The following CNNM4 variants were observed in gnomAD, a reference collection of about 807,000 sequenced individuals.
The protein encoded by CNNM4 is metal transporter CNNM4.
CNNM4 carries 32 observed loss-of-function variants against 53.7 expected under a neutral mutation model. The observed-to-expected ratio is 0.60, with a 90% CI of 0.45 to 0.80. The LOEUF (loss-of-function observed/expected upper bound fraction) is 0.80. Ranked by LOEUF, CNNM4 falls within the 30% of genes least tolerant of loss-of-function variation. CNNM4 has a pLI of 0.00. For missense variants in CNNM4, 784 were observed against 1,022.0 expected, an observed-to-expected ratio of 0.77 and a Z score of 3.17; for synonymous variants, 410 against 440.0, an observed-to-expected ratio of 0.93 and a Z score of 0.85.
In CNNM4 at chr2:96,786,720, A is replaced by C. The variant is rs1373686559; in HGVS notation, c.1403-10292A>C. 2.8e-5 allele frequency among the ~76,000 whole-genome samples: 4 copies of C among 143,894 alleles called. No individual in the cohort carries two copies. In the East Asian group the frequency reaches 9.1e-4, roughly 33 times the overall value. 94.4% of individuals were successfully genotyped at this position (143,894 alleles called of 152,430 possible). On this transcript the variant is annotated intron_variant, in intron 1 of 6. Transcript: ENST00000377075. ...CTTGAACTTGGGAAGCGGAGGTTGC[A>C]GTGAGCTGGGATCGCACCACTGCAC...
At chr2:96,782,029 C>T (rs1261129845) in intron 1 of CNNM4, among the ~76,000 whole-genome samples, 1 of 152,144 alleles carries the variant, frequency 6.6e-6, no homozygotes, top group African/African-American at 2.4e-5. Flanking sequence ...TTCTGAAATA[C>T]ACTGATTGAT....
chr2:96,765,099 G>A (rs1322080616), intron 1 of CNNM4, among the ~76,000 whole-genome samples: 1 of 114,758 alleles, frequency 8.7e-6, no homozygotes, highest in Non-Finnish European at 1.7e-5. Context: ...AGTTAGAACA[G>A]CTGGCATTGT....
Position 96,796,750 on chromosome 2 carries a change from G to A in CNNM4, c.1403-262G>A, listed in dbSNP as rs547683216. 5.0e-4 allele frequency among the ~76,000 whole-genome samples: 76 copies of A among 152,316 alleles called. 1 individual carries two copies. In the South Asian group the frequency reaches 7.9e-3, roughly 16 times the overall value. ...CACTCCAGCCTGGGTAACAGAGCTAGACCCTGTCCTTCCTCCACAAAAACA... is the reference window on the plus strand; with the variant it reads ...CACTCCAGCCTGGGTAACAGAGCTAAACCCTGTCCTTCCTCCACAAAAACA... On this transcript the variant is annotated intron_variant, in intron 1 of 6. Transcript: ENST00000377075.
chr2:96,799,692 C>T, intron 5 of CNNM4, 44 bp downstream of exon 5: 1 of 1,452,522 alleles, frequency 6.9e-7, no homozygotes, highest in Non-Finnish European at 9.5e-7. Context: ...GGCCCCCCTG[C>T]AGCTGGGGAG....
intron 1 of CNNM4, among the ~76,000 whole-genome samples, chr2:96,793,365 C>T (rs748632055): frequency 6.6e-6 from 1 of 152,360 alleles, no homozygotes; most frequent in Middle Eastern, 3.4e-3. Context: ...GCCCAAAGCT[C>T]ACCCTGCAGA....
At position 96,797,536 on chromosome 2, in the gene CNNM4, G is replaced by C; in HGVS notation, c.1570G>C (p.Val524Leu). ...MYTDNRSRKR[V>L]SEKNKRDFSA... Reference sequence around the variant, plus strand: ...AGCTGACAACCGAAGCCGGAAGCGGGTGTCTGAGAAGAACAAGCGTGACTT... The same window carrying C: ...AGCTGACAACCGAAGCCGGAAGCGGCTGTCTGAGAAGAACAAGCGTGACTT... The change falls in exon 3 of 7, where the codon GTG (valine) becomes CTG (leucine). Residue 524 changes from valine (V) to leucine (L), a missense_variant. By Grantham distance (32) the Val-to-Leu change is conservative. Around this residue, in one of 3 missense-constraint regions of CNNM4, gnomAD observed 307 missense variants for 376.3 expected, o/e 0.82. Transcript: ENST00000377075. This position sits in a 1 kb window ranked among gnomAD's most constrained non-coding sequence, Gnocchi z 6.0. 1 of 1,614,186 alleles carries C rather than the reference G, an allele frequency of 6.2e-7. No homozygotes were observed. Among genetic ancestry groups the C allele is most frequent in the Non-Finnish European group, 8.5e-7 (1 of 1,180,044 alleles).
chr2:96,785,228 T>C (rs1273650764), intron 1 of CNNM4, among the ~76,000 whole-genome samples: 1 of 150,234 alleles, frequency 6.7e-6, no homozygotes, highest in African/African-American at 2.5e-5. Flanking sequence ...CTTGCCCCTA[T>C]TTTAAAACCT....
intron 1 of CNNM4, among the ~76,000 whole-genome samples, chr2:96,777,478 A>C (rs1233828919): frequency 6.6e-6 from 1 of 152,116 alleles, no homozygotes. Context: ...CCTCCTGAGT[A>C]GCTGGGACCA....
chr2:96,775,354 A>G (rs1558983713), intron 1 of CNNM4, among the ~76,000 whole-genome samples: 1 of 152,134 alleles, frequency 6.6e-6, no homozygotes, highest in African/African-American at 2.4e-5. Flanking sequence ...GCTGAATGTT[A>G]AGGGTCTGAG....
At chr2:96,765,285 C>G (rs2078806309) in intron 1 of CNNM4, among the ~76,000 whole-genome samples, 1 of 151,310 alleles carries the variant, frequency 6.6e-6, no homozygotes, top group Non-Finnish European at 1.5e-5. Context: ...TGCCACCACC[C>G]CTGGCTAATT....
In CNNM4 at chr2:96,761,980, T is replaced by G; in HGVS notation, c.981T>G (p.Phe327Leu). The change falls in exon 1 of 7, where the codon TTT (phenylalanine) becomes TTG (leucine). Residue 327 changes from phenylalanine to leucine, a missense_variant. Coordinates refer to ENST00000377075, the MANE Select transcript of CNNM4 (RefSeq NM_020184.4). This position sits in a 1 kb window ranked among gnomAD's most constrained non-coding sequence, Gnocchi z 6.0. ...SFPISKLLDF[F>L]LGQEIRTVYN... ...CCATTAGCAAGCTCCTGGACTTTTT[T>G]CTGGGCCAGGAGATTCGCACTGTTT... The G allele has an allele frequency of 2.5e-6, 4 of 1,614,174 alleles. No individual in the cohort carries two copies. The highest frequency in any genetic ancestry group is 3.4e-6 in the Non-Finnish European group (4 of 1,180,030).
rs117876205 is a variant in CNNM4, at chr2:96,789,333, G to A, written c.1403-7679G>A. On this transcript the variant is annotated intron_variant, in intron 1 of 6. Transcript: ENST00000377075. ...AGGTGACACGGAGGCTGGGGAGCAG[G>A]AGGAGCTGTGAGGGACTCAGGCAGG... Among the ~76,000 whole-genome samples, 67 of 152,342 alleles carry A rather than the reference G, an allele frequency of 4.4e-4. No individual in the cohort carries two copies. The East Asian group carries it at 9.5e-3, about 22-fold the overall frequency.
rs770067674 is a variant in CNNM4 at position 96,761,623 on chromosome 2, C to T, written c.624C>T (p.Ala208=). The T allele has an allele frequency of 3.1e-6, 5 of 1,613,988 alleles. No individual in the cohort carries two copies. Among genetic ancestry groups the T allele is most frequent in the Non-Finnish European group, 4.2e-6 (5 of 1,180,030 alleles). ...CTGGCCTCAACCTCGGGCTTATGGC[C>T]CTGGACCCCATGGAGCTGCGCATCG... ...IFSGLNLGLM[A]LDPMELRIVQ... is the part of the protein sequence containing the mutation. The change falls in exon 1 of 7, where the codon GCC becomes GCT. Residue 208 remains alanine, a synonymous_variant. Transcript: ENST00000377075. This position sits in a 1 kb window ranked among gnomAD's most constrained non-coding sequence, Gnocchi z 6.0.
intron 3 of CNNM4, 58 bp from the exon 4 acceptor site, chr2:96,798,999 C>T (rs750467581): frequency 4.9e-5 from 76 of 1,559,156 alleles, no homozygotes; most frequent in East Asian, 9.0e-5. Flanking sequence ...CAGCAGTGAT[C>T]GAGCTTTAGG....
rs1261918566 is a variant in CNNM4, at chr2:96,763,654, G to T, written c.1402+1253G>T. Among the ~76,000 whole-genome samples the T allele has an allele frequency of 1.3e-5, 2 of 152,198 alleles. 1 individual carries two copies. Among genetic ancestry groups the T allele is most frequent in the Admixed American group, 1.3e-4 (2 of 15,280 alleles). Reference sequence around the variant, plus strand: ...ACGGAGAGTGGAGGACAGCTTTGGAGTGGGATAGGGAGGAGCTGGCTTTGC... The same window carrying T: ...ACGGAGAGTGGAGGACAGCTTTGGATTGGGATAGGGAGGAGCTGGCTTTGC... On this transcript the variant is annotated intron_variant, in intron 1 of 6. Transcript: ENST00000377075.
intron 1 of CNNM4, among the ~76,000 whole-genome samples, chr2:96,796,193 G>A (rs1481624983): frequency 1.5e-5 from 2 of 131,062 alleles, no homozygotes; most frequent in African/African-American, 5.8e-5. Flanking sequence ...TGCCCAGGCT[G>A]GAGTGCAGTG....
chr2:96,761,471 G>C lies in CNNM4; in HGVS notation c.472G>C (p.Gly158Arg), dbSNP rs560847070. 1.9e-6 allele frequency: 3 copies of C among 1,614,092 alleles called. No homozygotes were observed. The South Asian group carries it at 3.3e-5, about 18-fold the overall frequency. The change falls in exon 1 of 7, where the codon GGG becomes CGG. Residue 158 changes from glycine to arginine, a missense_variant. Around this residue, in one of 3 missense-constraint regions of CNNM4, gnomAD observed 473 missense variants for 624.6 expected, o/e 0.76. Coordinates refer to ENST00000377075, the MANE Select transcript of CNNM4 (RefSeq NM_020184.4). This position sits in a 1 kb window ranked among gnomAD's most constrained non-coding sequence, Gnocchi z 6.0. ...YALCTRAQPDGPWLKWTDKDS... is the reference protein window; with the variant it reads ...YALCTRAQPDRPWLKWTDKDS... Reference sequence around the variant, plus strand: ...ACTGTGCACCCGGGCCCAGCCCGACGGGCCCTGGCTGAAGTGGACGGACAA... The same window carrying C: ...ACTGTGCACCCGGGCCCAGCCCGACCGGCCCTGGCTGAAGTGGACGGACAA...
intron 5 of CNNM4, among the ~76,000 whole-genome samples, chr2:96,806,414 C>T (rs960290180): frequency 1.3e-5 from 2 of 151,822 alleles, no homozygotes; most frequent in African/African-American, 4.8e-5. Context: ...TCACGACCCA[C>T]TAAGACCTTA....
intron 5 of CNNM4, among the ~76,000 whole-genome samples, chr2:96,807,752 G>C (rs116558052): frequency 2.6e-5 from 4 of 151,920 alleles, no homozygotes; most frequent in African/African-American, 9.7e-5. Flanking sequence ...AAGGTGTGAC[G>C]GGGCATCTTA....
Sources: gnomAD v4.1 joint callset for allele counts (sites outside exome capture counted in the v4.1 genomes callset) on GRCh38, gnomAD v4.1.1 for gene constraint, gnomAD v4.1.1 regional missense constraint, Gnocchi (gnomAD v3.1) non-coding constraint, MANE v1.5 for transcripts, NCBI Gene and HGNC (gene_info 2026-07-23, HGNC 2026-07-21) for gene names.